MBOAT2: variants seen among roughly 807,000 people sequenced by gnomAD.
The protein encoded by MBOAT2 is membrane bound glycerophospholipid O-acyltransferase 2, also known as membrane-bound glycerophospholipid O-acyltransferase 2.
MBOAT2 carries 28 observed loss-of-function variants against 63.4 expected under a neutral mutation model. The observed-to-expected ratio is 0.44, with a 90% CI of 0.33 to 0.61. The LOEUF is 0.61. MBOAT2 is among the 20% of genes least tolerant of loss of function. The pLI is 0.03. For missense variants in MBOAT2, 470 were observed against 605.8 expected (o/e 0.78, Z 2.35); for synonymous variants, 211 against 215.6 (o/e 0.98, Z 0.19).
intron 1 of MBOAT2, among the ~76,000 whole-genome samples, chr2:8,978,280 T>C (rs1436617285): frequency 6.6e-6 from 1 of 152,092 alleles, no homozygotes; most frequent in African/African-American, 2.4e-5. Flanking sequence ...ACACATGGAA[T>C]GCACACAGAT....
chr2:8,915,686 A>G (rs1449044437), intron 3 of MBOAT2, among the ~76,000 whole-genome samples: 1 of 152,244 alleles, frequency 6.6e-6, no homozygotes, highest in Non-Finnish European at 1.5e-5. Flanking sequence ...AAGCAGACAT[A>G]TAAGCTACTA....
At chr2:8,902,393 T>C (rs994733857) in intron 4 of MBOAT2, among the ~76,000 whole-genome samples, 8 of 152,338 alleles carry the variant, frequency 5.3e-5, no homozygotes, top group African/African-American at 1.7e-4. Context: ...ACTTCAAGAA[T>C]GAAGCCGCGG....
At chr2:8,884,195 C>CAAAAAAA (rs1169179642) in intron 5 of MBOAT2, among the ~76,000 whole-genome samples, 4 of 22,102 alleles carry the variant, frequency 1.8e-4, no homozygotes, top group Admixed American at 4.7e-4. Context: ...AAGACTCAGC[C>CAAAAAAA]AAAAAAAAAA....
intron 1 of MBOAT2, among the ~76,000 whole-genome samples, chr2:8,985,160 T>C (rs947557927): frequency 6.6e-6 from 1 of 152,228 alleles, no homozygotes; most frequent in African/African-American, 2.4e-5. Flanking sequence ...CATCTTCCAC[T>C]GCTCAACTGG....
intron 2 of MBOAT2, among the ~76,000 whole-genome samples, chr2:8,955,244 G>A (rs1399251285): frequency 6.6e-6 from 1 of 152,198 alleles, no homozygotes; most frequent in Non-Finnish European, 1.5e-5. Flanking sequence ...CCAGGTCTGG[G>A]AGAATGTCTG....
chr2:8,917,760 T>C (rs1003796507), intron 3 of MBOAT2, among the ~76,000 whole-genome samples: 7 of 152,204 alleles, frequency 4.6e-5, no homozygotes, highest in African/African-American at 9.6e-5. Flanking sequence ...AAAATATGTA[T>C]CAACAAAAAT....
At position 8,913,526 on chromosome 2, in the gene MBOAT2, T is replaced by C. The variant is rs188531415; in HGVS notation, c.300-4810A>G. ...TCAAAAAGTGGGCTAAGGACATGAATAGACAATTCTCAAAAGAAGATATAC... is the reference window on the plus strand; with the variant it reads ...TCAAAAAGTGGGCTAAGGACATGAACAGACAATTCTCAAAAGAAGATATAC... On this transcript the variant is annotated intron_variant, in intron 3 of 12. Coordinates refer to ENST00000305997, the MANE Select transcript of MBOAT2 (RefSeq NM_138799.4). Among the ~76,000 whole-genome samples the C allele has an allele frequency of 2.0e-3, 310 of 152,004 alleles. 1 individual carries two copies. Among genetic ancestry groups the C allele is most frequent in the African/African-American group, 7.0e-3 (290 of 41,464 alleles).
chr2:8,975,480 T>G (rs1054613913), intron 1 of MBOAT2, among the ~76,000 whole-genome samples: 6 of 152,052 alleles, frequency 3.9e-5, no homozygotes, highest in Non-Finnish European at 8.8e-5. Context: ...GTGCCTTTCA[T>G]TCACTGAAAG....
intron 3 of MBOAT2, among the ~76,000 whole-genome samples, chr2:8,932,876 A>T (rs1667421271): frequency 6.6e-6 from 1 of 152,226 alleles, no homozygotes; most frequent in Admixed American, 6.5e-5. Flanking sequence ...GTGACTACAG[A>T]ACGTGCACAT....
intron 1 of MBOAT2, among the ~76,000 whole-genome samples, chr2:8,965,220 AT>A (rs1440443314): frequency 6.6e-6 from 1 of 152,208 alleles, no homozygotes; most frequent in Non-Finnish European, 1.5e-5. Context: ...GGAATTCTGA[AT>A]TTTCCACTTA....
chr2:8,921,611 T>C (rs1666577291), intron 3 of MBOAT2, among the ~76,000 whole-genome samples: 1 of 152,206 alleles, frequency 6.6e-6, no homozygotes, highest in African/African-American at 2.4e-5. Context: ...AGCAAGTCTT[T>C]GTTTATCTGG....
At chr2:8,907,016 G>C (rs1263080879) in intron 4 of MBOAT2, among the ~76,000 whole-genome samples, 1 of 152,226 alleles carries the variant, frequency 6.6e-6, no homozygotes, top group Non-Finnish European at 1.5e-5. Flanking sequence ...CTAAAGGTCA[G>C]TGTGAAAATT....
chr2:8,943,092 C>A, intron 3 of MBOAT2, 95 bp downstream of exon 3: 1 of 655,958 alleles, frequency 1.5e-6, no homozygotes. Context: ...TATCACAATT[C>A]ATAATTACTT....
At position 8,858,708 on chromosome 2, in the gene MBOAT2, C is replaced by T; in HGVS notation, c.1534G>A (p.Ala512Thr). ...NNVCNQNQEI[A>T]SRHSSLKQ Reference sequence around the variant, plus strand: ...TGCTTTAGTGATGAATGTCTCGAGGCTATTTCTTGATTCTGATTGCAAACA... The same window carrying T: ...TGCTTTAGTGATGAATGTCTCGAGGTTATTTCTTGATTCTGATTGCAAACA... Residue 512 changes from alanine to threonine, a missense_variant, in exon 13 of 13, where the codon GCC (alanine) becomes ACC (threonine). Physicochemically the swap from Ala to Thr is moderately conservative, Grantham distance 58. Transcript: ENST00000305997. 2 of 1,612,810 alleles carry T rather than the reference C, an allele frequency of 1.2e-6. No individual in the cohort carries two copies. Among genetic ancestry groups the T allele is most frequent in the Non-Finnish European group, 1.7e-6 (2 of 1,179,530 alleles).
intron 1 of MBOAT2, among the ~76,000 whole-genome samples, chr2:8,961,586 T>C (rs1310644598): frequency 1.4e-5 from 2 of 147,680 alleles, no homozygotes; most frequent in Admixed American, 6.7e-5. Context: ...TTCCCATCAG[T>C]AGGGAAAAAA....
chr2:8,952,291 T>C (rs1232558284), intron 2 of MBOAT2, among the ~76,000 whole-genome samples: 1 of 152,220 alleles, frequency 6.6e-6, no homozygotes. Flanking sequence ...GTATAGATAG[T>C]ATGATTTCAG....
intron 1 of MBOAT2, among the ~76,000 whole-genome samples, chr2:8,959,436 T>C (rs1216497136): frequency 6.6e-6 from 1 of 151,892 alleles, no homozygotes; most frequent in Non-Finnish European, 1.5e-5. Flanking sequence ...AAAGATAGAC[T>C]GGAGAAAAAT....
intron 1 of MBOAT2, among the ~76,000 whole-genome samples, chr2:8,967,440 C>T (rs1670074203): frequency 6.6e-6 from 1 of 152,182 alleles, no homozygotes; most frequent in African/African-American, 2.4e-5. Context: ...CAAAGAGCTT[C>T]ACTCGAATAA....
chr2:8,938,679 C>G (rs1349905687), intron 3 of MBOAT2, among the ~76,000 whole-genome samples: 1 of 149,594 alleles, frequency 6.7e-6, no homozygotes, highest in African/African-American at 2.5e-5. Flanking sequence ...TGCCGTGTCT[C>G]ATGCCACCAT....
Sources: allele counts gnomAD v4.1 joint callset (sites outside exome capture counted in the v4.1 genomes callset), GRCh38; gene constraint gnomAD v4.1.1; transcripts MANE v1.5; gene names NCBI Gene and HGNC (gene_info 2026-07-23, HGNC 2026-07-21).